Variants in LARS1 observed in about 807,000 individuals in gnomAD.
LARS1 encodes the protein leucine--tRNA ligase, cytoplasmic.
A neutral mutation model predicts 162.8 loss-of-function variants in LARS1; 100 were observed. That is an observed-to-expected ratio of 0.61 (90% CI 0.52 to 0.73). The LOEUF is 0.73. Ranked by LOEUF, LARS1 falls within the 30% of genes least tolerant of loss-of-function variation. The pLI is 0.00. For missense variants in LARS1, 1,258 were observed against 1,408.9 expected (o/e 0.89, Z 1.71); for synonymous variants, 457 against 462.8 (o/e 0.99, Z 0.16).
At chr5:146,123,935 T>A (rs557004747) in intron 29 of LARS1, 47 bp downstream of exon 29, 8 of 934,096 alleles carry the variant, frequency 8.6e-6, no homozygotes, top group Non-Finnish European at 1.3e-5. Flanking sequence ...AGCTGGATTA[T>A]GGTTTAACTA....
chr5:146,172,905 A>G lies in LARS1; in HGVS notation c.126-131T>C, dbSNP rs1020960618. The stretch of plus-strand genomic sequence containing the variant: ...GTTATTTAAAAAATATTTAAAAGTA[A>G]ATTTATAAATCTACAAATTTAAAAC... On this transcript the variant is annotated intron_variant, in intron 2 of 31. Transcript: ENST00000394434. 7.1e-6 allele frequency: 3 copies of G among 424,222 alleles called. No homozygotes were observed. The Admixed American group carries it at 1.3e-4, about 18-fold the overall frequency. The allele number at this position is 424,222 out of a possible 1,614,324, so 26.3% of individuals were successfully genotyped here.
chr5:146,166,820 C>T (rs1054346857), intron 5 of LARS1, among the ~76,000 whole-genome samples: 1 of 150,344 alleles, frequency 6.7e-6, no homozygotes, highest in African/African-American at 2.4e-5. Flanking sequence ...TCCATGGCCT[C>T]AAAAGATCTC....
At chr5:146,159,085 G>C (rs1753657599) in intron 8 of LARS1, among the ~76,000 whole-genome samples, 1 of 149,834 alleles carries the variant, frequency 6.7e-6, no homozygotes, top group African/African-American at 2.5e-5. Flanking sequence ...TAAAGAGCAA[G>C]ACTCCGTCTG....
intron 21 of LARS1, chr5:146,138,138 G>A (rs550927215): frequency 1.1e-4 from 16 of 139,830 alleles, no homozygotes; most frequent in African/African-American, 2.0e-4. Context: ...AAAAAAAAAA[G>A]TGAAACTGTT....
At chr5:146,163,689 A>G (rs1326316057) in intron 6 of LARS1, among the ~76,000 whole-genome samples, 1 of 152,182 alleles carries the variant, frequency 6.6e-6, no homozygotes, top group East Asian at 1.9e-4. Context: ...CCATCTCAAA[A>G]AAACAAACAA....
chr5:146,179,721 TC>T, intron 1 of LARS1: 1 of 426,572 alleles, frequency 2.3e-6, no homozygotes, highest in Non-Finnish European at 4.7e-6. Flanking sequence ...CATCTCAGCC[TC>T]CTGAATAGCT....
At chr5:146,155,956 C>T (rs1023197528) in intron 10 of LARS1, among the ~76,000 whole-genome samples, 24 of 152,042 alleles carry the variant, frequency 1.6e-4, no homozygotes, top group African/African-American at 5.6e-4. Context: ...AATTGTGGTA[C>T]AACCAAACAA....
chr5:146,149,834 A>G (rs1753194407), intron 14 of LARS1, 135 bp from the exon 15 acceptor site: 8 of 666,754 alleles, frequency 1.2e-5, no homozygotes, highest in Non-Finnish European at 1.8e-5. Flanking sequence ...TCATATTTAC[A>G]ACGATAATTT....
At chr5:146,135,702 TA>T in intron 21 of LARS1, 38 bp from the exon 22 acceptor site, 1 of 1,442,854 alleles carries the variant, frequency 6.9e-7, no homozygotes, top group Non-Finnish European at 9.5e-7. Flanking sequence ...TTAATAACAG[TA>T]ATATAAATAA....
intron 1 of LARS1, among the ~76,000 whole-genome samples, chr5:146,179,135 G>T (rs1754723438): frequency 6.6e-6 from 1 of 152,100 alleles, no homozygotes; most frequent in African/African-American, 2.4e-5. Flanking sequence ...GGGAGGCAAA[G>T]ACAGGAGAAT....
chr5:146,122,869 A>C (rs1246034813), intron 29 of LARS1, among the ~76,000 whole-genome samples: 2 of 152,030 alleles, frequency 1.3e-5, no homozygotes, highest in African/African-American at 4.8e-5. Context: ...GAAAATCAGC[A>C]TAAGAGGCTT....
chr5:146,170,208 T>C (rs1260644073), intron 4 of LARS1, among the ~76,000 whole-genome samples: 1 of 152,200 alleles, frequency 6.6e-6, no homozygotes, highest in East Asian at 1.9e-4. Flanking sequence ...GGGTCAAGCC[T>C]GTAATCTCAG....
Position 146,177,542 on chromosome 5 carries a change from C to G in LARS1, c.125+5G>C. On this transcript the variant is annotated splice_donor_5th_base_variant and intron_variant, in intron 2 of 31. Transcript: ENST00000394434. ...ATGTGCAGAACTTCACAAACTATTACTCACCTGGTCTGTTTCTCTAAATTA... is the reference window on the plus strand; with the variant it reads ...ATGTGCAGAACTTCACAAACTATTAGTCACCTGGTCTGTTTCTCTAAATTA... 1.7e-6 allele frequency: 2 copies of G among 1,207,642 alleles called. No individual in the cohort carries two copies. Among genetic ancestry groups the G allele is most frequent in the Non-Finnish European group, 2.4e-6 (2 of 841,330 alleles). 74.8% of individuals were successfully genotyped at this position (1,207,642 alleles called of 1,614,324 possible). A position where few individuals can be genotyped will look rare whatever the true frequency, so the allele number is the denominator to read the frequency against.
rs570789287 is a variant in LARS1, at chr5:146,153,237, A to G, written c.1231-10T>C. The G allele has an allele frequency of 6.2e-7, 1 of 1,608,290 alleles. No individual in the cohort carries two copies. Among genetic ancestry groups the G allele is most frequent in the African/African-American group, 1.3e-5 (1 of 74,876 alleles). ...ATTTTGCTCGTAAGGCCTACAGAAA[A>G]ATTTGCAAGTTAACACTAATGATCA... On this transcript the variant is annotated splice_polypyrimidine_tract_variant and intron_variant, in intron 12 of 31. Transcript: ENST00000394434.
In LARS1 at chr5:146,126,359, G is replaced by A. The variant is rs146598416; in HGVS notation, c.2991+76C>T. The A allele has an allele frequency of 1.4e-3, 1,175 of 832,952 alleles. 14 individuals carry two copies. In the African/African-American group the frequency reaches 0.018, roughly 13 times the overall value. The allele number at this position is 832,952 out of a possible 1,614,324, so 51.6% of individuals were successfully genotyped here. A position where few individuals can be genotyped will look rare whatever the true frequency, so the allele number is the denominator to read the frequency against. Reference sequence around the variant, plus strand: ...ATTTCTGGCAGGAGACTATGTCCAAGGCTTTTCCCCATCCTTCTATTGTCC... The same window carrying A: ...ATTTCTGGCAGGAGACTATGTCCAAAGCTTTTCCCCATCCTTCTATTGTCC... On this transcript the variant is annotated intron_variant, in intron 28 of 31. Transcript: ENST00000394434.
intron 21 of LARS1, 75 bp downstream of exon 21, chr5:146,140,129 A>C: frequency 8.9e-7 from 1 of 1,123,286 alleles, no homozygotes; most frequent in Non-Finnish European, 1.3e-6. Flanking sequence ...ACATACATTT[A>C]AAAAAAAGTG....
At chr5:146,138,914 A>G in intron 21 of LARS1, 1 of 319,870 alleles carries the variant, frequency 3.1e-6, no homozygotes, top group Non-Finnish European at 6.3e-6. Flanking sequence ...GCCCACGGGA[A>G]CAGTAGCATG....
Position 146,143,450 on chromosome 5 carries a change from A to AC in LARS1, c.1838dup (p.Asn614Ter). 1 of 1,613,668 alleles carries AC rather than the reference A, an allele frequency of 6.2e-7. No individual in the cohort carries two copies. Among genetic ancestry groups the AC allele is most frequent in the Non-Finnish European group, 8.5e-7 (1 of 1,179,730 alleles). ...GAGACTCTGCCTGTCCATGCAAGTT[A>AC]CCCCCCTGCAATAGGTGTGCAACTG... On this transcript the variant is annotated frameshift_variant, in exon 19 of 32. Coordinates refer to ENST00000394434, the MANE Select transcript of LARS1 (RefSeq NM_020117.11). LOFTEE classifies it high-confidence loss of function.
intron 5 of LARS1, among the ~76,000 whole-genome samples, chr5:146,165,084 T>C (rs62373795): frequency 0.22 from 33,779 of 151,892 alleles, 4,786 homozygotes; most frequent in Admixed American, 0.33. Flanking sequence ...ACCTGTAATA[T>C]CAGCACTTTG....
Sources: gnomAD v4.1 joint callset for allele counts (sites outside exome capture counted in the v4.1 genomes callset) on GRCh38, gnomAD v4.1.1 for gene constraint, MANE v1.5 for transcripts, NCBI Gene and HGNC (gene_info 2026-07-23, HGNC 2026-07-21) for gene names.